Variants in CXCL13 observed in about 807,000 individuals in gnomAD.
The protein encoded by CXCL13 is C-X-C motif chemokine ligand 13.
CXCL13 carries 7 observed loss-of-function variants against 12.2 expected under a neutral mutation model. That is an observed-to-expected ratio of 0.57 (90% CI 0.33 to 1.07). CXCL13 has a LOEUF of 1.07. CXCL13 is among the 50% of genes least tolerant of loss of function. CXCL13 has a pLI of 0.04. For missense variants in CXCL13, 113 were observed against 127.4 expected (o/e 0.89, Z 0.55); for synonymous variants, 47 against 42.4 (o/e 1.11, Z -0.42).
upstream of CXCL13, among the ~76,000 whole-genome samples, chr4:77,604,819 C>T (rs62304095): frequency 0.076 from 11,521 of 152,210 alleles, 540 homozygotes; most frequent in Middle Eastern, 0.15. Context: ...TAGGAAATCG[C>T]GCCAGGAAGC....
chr4:77,571,498 A>G (rs1011582875), intron 1 of CXCL13, among the ~76,000 whole-genome samples: 6 of 151,098 alleles, frequency 4.0e-5, no homozygotes, highest in Non-Finnish European at 8.8e-5. Flanking sequence ...AGGTTTGTGA[A>G]TGCACCAATC....
intron 1 of CXCL13, among the ~76,000 whole-genome samples, chr4:77,555,905 A>G (rs1325561388): frequency 1.3e-5 from 2 of 152,210 alleles, no homozygotes; most frequent in African/African-American, 2.4e-5. Context: ...CCACATTGAT[A>G]TATTTTTACA....
chr4:77,589,561 A>G (rs1726558731), intron 1 of CXCL13, among the ~76,000 whole-genome samples: 1 of 152,182 alleles, frequency 6.6e-6, no homozygotes, highest in Admixed American at 6.5e-5. Context: ...TATCAGAAAA[A>G]AAAAACCTAG....
At chr4:77,586,858 T>C (rs532950444) in intron 1 of CXCL13, among the ~76,000 whole-genome samples, 3 of 152,266 alleles carry the variant, frequency 2.0e-5, no homozygotes, top group East Asian at 1.9e-4. Context: ...AGAGTCTAGA[T>C]AGCAATTGAA....
chr4:77,532,032 T>G (rs907277814), intron 1 of CXCL13, among the ~76,000 whole-genome samples: 1 of 152,216 alleles, frequency 6.6e-6, no homozygotes, highest in Non-Finnish European at 1.5e-5. Flanking sequence ...AATTGGAGCA[T>G]TTAGCCCATT....
At chr4:77,542,492 T>C (rs1358979038) in intron 1 of CXCL13, among the ~76,000 whole-genome samples, 1 of 152,284 alleles carries the variant, frequency 6.6e-6, no homozygotes, top group Non-Finnish European at 1.5e-5. Context: ...TCTGTTCTCA[T>C]ATTGCTATAG....
At chr4:77,562,608 G>T (rs1378081253) in intron 1 of CXCL13, among the ~76,000 whole-genome samples, 1 of 142,600 alleles carries the variant, frequency 7.0e-6, no homozygotes, top group Non-Finnish European at 1.5e-5. Context: ...CTAGCTCAAG[G>T]TTTGTAAACA....
At chr4:77,538,256 C>CA (rs1413276871) in intron 1 of CXCL13, among the ~76,000 whole-genome samples, 1 of 151,812 alleles carries the variant, frequency 6.6e-6, no homozygotes, top group East Asian at 1.9e-4. Flanking sequence ...GAAGCTTTCA[C>CA]AAAAAGAGAC....
At chr4:77,563,928 T>C (rs1249182156) in intron 1 of CXCL13, among the ~76,000 whole-genome samples, 1 of 152,224 alleles carries the variant, frequency 6.6e-6, no homozygotes, top group African/African-American at 2.4e-5. Flanking sequence ...ATCCTGTCTG[T>C]GGCATAAAGT....
At chr4:77,568,196 T>G (rs1478178148) in intron 1 of CXCL13, among the ~76,000 whole-genome samples, 1 of 152,216 alleles carries the variant, frequency 6.6e-6, no homozygotes. Flanking sequence ...CATGTCTCCT[T>G]TTGTCCAGAT....
At chr4:77,550,228 T>C (rs2109806456) in intron 1 of CXCL13, among the ~76,000 whole-genome samples, 1 of 152,284 alleles carries the variant, frequency 6.6e-6, no homozygotes, top group South Asian at 2.1e-4. Context: ...AGTGTCCTGG[T>C]TTTCCAGGTA....
At chr4:77,579,534 G>A (rs932009682) in intron 1 of CXCL13, among the ~76,000 whole-genome samples, 2 of 152,094 alleles carry the variant, frequency 1.3e-5, no homozygotes, top group Non-Finnish European at 2.9e-5. Context: ...GTCCCCAGAA[G>A]TCTAGTAATC....
chr4:77,587,745 G>C (rs1363143284), intron 1 of CXCL13, among the ~76,000 whole-genome samples: 1 of 152,200 alleles, frequency 6.6e-6, no homozygotes, highest in Admixed American at 6.5e-5. Context: ...GATTCAAGTC[G>C]AAGTCAGTCT....
intron 1 of CXCL13, among the ~76,000 whole-genome samples, chr4:77,542,713 C>G (rs1250542366): frequency 6.6e-6 from 1 of 152,144 alleles, no homozygotes; most frequent in Non-Finnish European, 1.5e-5. Flanking sequence ...AGGAATGAAG[C>G]CTACTTGATC....
At chr4:77,556,391 G>T (rs1244957181) in intron 1 of CXCL13, among the ~76,000 whole-genome samples, 1 of 152,062 alleles carries the variant, frequency 6.6e-6, no homozygotes, top group Admixed American at 6.6e-5. Flanking sequence ...TTAGAAAAAG[G>T]AAAACTAACC....
intron 1 of CXCL13, among the ~76,000 whole-genome samples, chr4:77,547,585 G>C (rs1294327114): frequency 6.6e-6 from 1 of 151,644 alleles, no homozygotes; most frequent in Admixed American, 6.6e-5. Context: ...CCATTTTCTT[G>C]GTAGATCTTC....
At chr4:77,558,896 A>G (rs1268551481) in intron 1 of CXCL13, among the ~76,000 whole-genome samples, 6 of 152,224 alleles carry the variant, frequency 3.9e-5, no homozygotes, top group Non-Finnish European at 7.3e-5. Flanking sequence ...GCTTCTTCTT[A>G]TGCTACTAAG....
intron 1 of CXCL13, among the ~76,000 whole-genome samples, chr4:77,526,210 CA>C (rs1005732523): frequency 1.3e-5 from 2 of 151,812 alleles, no homozygotes; most frequent in African/African-American, 4.8e-5. Context: ...ATCAAATAAA[CA>C]AGAGGTTTGT....
chr4:77,533,866 T>C (rs1010913725), intron 1 of CXCL13, among the ~76,000 whole-genome samples: 1 of 152,220 alleles, frequency 6.6e-6, no homozygotes, highest in Non-Finnish European at 1.5e-5. Context: ...GTGTGCCATT[T>C]GCTAAGACCT....
Sources: gnomAD v4.1 joint callset for allele counts (sites outside exome capture counted in the v4.1 genomes callset) on GRCh38, gnomAD v4.1.1 for gene constraint, MANE v1.5 for transcripts, NCBI Gene and HGNC (gene_info 2026-07-23, HGNC 2026-07-21) for gene names.